PCDHGA2: variants seen among roughly 807,000 people sequenced by gnomAD.
The protein encoded by PCDHGA2 is protocadherin gamma-A2.
Under a neutral mutation model 59.2 loss-of-function variants are expected in PCDHGA2, and 40 were observed. That is an observed-to-expected ratio of 0.68 (90% CI 0.52 to 0.88). PCDHGA2 has a LOEUF of 0.88. PCDHGA2 is among the 40% of genes least tolerant of loss of function. The pLI is 0.00. For synonymous variants in PCDHGA2, 560 were observed against 526.0 expected (o/e 1.06, Z -0.89); for missense variants, 1,226 against 1,204.0 (o/e 1.02, Z -0.27).
Position 141,466,657 on chromosome 5 carries a change from C to T in PCDHGA2, c.2425-28150C>T, listed in dbSNP as rs143657719. Among the ~76,000 whole-genome samples the T allele has an allele frequency of 1.4e-3, 211 of 152,280 alleles. 1 individual carries two copies. The highest frequency in any genetic ancestry group is 4.7e-3 in the African/African-American group (197 of 41,542). On this transcript the variant is annotated intron_variant, in intron 1 of 3. Transcript: ENST00000394576. ...TCTCCATAAACTTTTCACAAAACAT[C>T]AGTGATTTCACCGTTCTTCCACTCA...
intron 1 of PCDHGA2, chr5:141,370,468 T>C: frequency 6.2e-7 from 1 of 1,613,240 alleles, no homozygotes. Context: ...CTCTCTTTGT[T>C]AGACCAGGCT....
chr5:141,478,752 G>A (rs2099475483), intron 1 of PCDHGA2: 2 of 1,521,420 alleles, frequency 1.3e-6, no homozygotes, highest in South Asian at 1.3e-5. Context: ...CATTTCAGGG[G>A]GAAGATACTT....
chr5:141,485,214 G>T lies in PCDHGA2; in HGVS notation c.2425-9593G>T. 6.2e-7 allele frequency: 1 copy of T among 1,614,164 alleles called. No individual in the cohort carries two copies. The highest frequency in any genetic ancestry group is 8.5e-7 in the Non-Finnish European group (1 of 1,179,996). On this transcript the variant is annotated intron_variant, in intron 1 of 3. Transcript: ENST00000394576. This position sits in a 1 kb window ranked among gnomAD's most constrained non-coding sequence, Gnocchi z 5.7. ...AGAAGCTGGACAGAAATCTGGCGGT[G>T]GGCTACCCTTTTGTTCCTCTTTTAC...
At chr5:141,349,995 T>TA (rs2149754932) in intron 1 of PCDHGA2, 1 of 330,098 alleles carries the variant, frequency 3.0e-6, no homozygotes, top group African/African-American at 2.1e-5. Context: ...GCTTTGAGGA[T>TA]AAAAAGCTGG....
At chr5:141,347,552 T>G (rs13357694) in intron 1 of PCDHGA2, among the ~76,000 whole-genome samples, 1 of 151,966 alleles carries the variant, frequency 6.6e-6, no homozygotes, top group Non-Finnish European at 1.5e-5. Context: ...TTTGGGAGGC[T>G]GAGGCAGGTG....
chr5:141,366,395 C>T (rs1764534294), intron 1 of PCDHGA2: 1 of 1,614,178 alleles, frequency 6.2e-7, no homozygotes, highest in African/African-American at 1.3e-5. Context: ...GGATCTGGAC[C>T]TCACACTCTA....
intron 1 of PCDHGA2, chr5:141,412,090 T>C (rs1008718786): frequency 3.3e-5 from 5 of 152,218 alleles, no homozygotes; most frequent in Admixed American, 2.0e-4. Flanking sequence ...ACTGGGTTGA[T>C]GGGCACACAC....
intron 1 of PCDHGA2, among the ~76,000 whole-genome samples, chr5:141,466,268 T>A (rs568525260): frequency 6.6e-6 from 1 of 152,150 alleles, no homozygotes; most frequent in Non-Finnish European, 1.5e-5. Context: ...CCTCGTGAGC[T>A]CAAGCAATCT....
chr5:141,386,504 T>A (rs1351334049), intron 1 of PCDHGA2, among the ~76,000 whole-genome samples: 1 of 84,712 alleles, frequency 1.2e-5, no homozygotes, highest in Non-Finnish European at 2.3e-5. Flanking sequence ...AACAAGACTC[T>A]GTCTCTTCAA....
chr5:141,375,314 G>A, intron 1 of PCDHGA2: 1 of 1,613,798 alleles, frequency 6.2e-7, no homozygotes, highest in South Asian at 1.1e-5. Flanking sequence ...TGCAGCTCTA[G>A]ACCGGGAAGA....
chr5:141,477,566 C>T lies in PCDHGA2; in HGVS notation c.2425-17241C>T, dbSNP rs749100730. On this transcript the variant is annotated intron_variant, in intron 1 of 3. Coordinates refer to ENST00000394576, the MANE Select transcript of PCDHGA2 (RefSeq NM_018915.4). The surrounding 1 kb of genome is among the most constrained non-coding windows in gnomAD (Gnocchi z 4.9). ...AATACTAAACCTAAGTGTCTGGGAC[C>T]CCGACGCCCCGCAGAATGCTCGGCT... The T allele has an allele frequency of 1.9e-6, 3 of 1,613,988 alleles. No homozygotes were observed. The highest frequency in any genetic ancestry group is 8.5e-7 in the Non-Finnish European group (1 of 1,180,032).
chr5:141,355,311 G>C, intron 1 of PCDHGA2: 2 of 1,613,982 alleles, frequency 1.2e-6, no homozygotes. Flanking sequence ...CGGTGTTTGA[G>C]GAGCAGGAAG....
At chr5:141,383,164 A>G (rs1778887278) in intron 1 of PCDHGA2, 1 of 1,614,016 alleles carries the variant, frequency 6.2e-7, no homozygotes, top group Non-Finnish European at 8.5e-7. Context: ...CACTGCGGGC[A>G]GGATAGACCG....
chr5:141,490,180 C>T lies in PCDHGA2; in HGVS notation c.2425-4627C>T, dbSNP rs747366205. On this transcript the variant is annotated intron_variant, in intron 1 of 3. Coordinates refer to ENST00000394576, the MANE Select transcript of PCDHGA2 (RefSeq NM_018915.4). This position sits in a 1 kb window ranked among gnomAD's most constrained non-coding sequence, Gnocchi z 5.4. ...GGGTCCCATAGACTTTGAGGAGTCACGTTTCTATGAAATTCATGCAAGAGC... is the reference window on the plus strand; with the variant it reads ...GGGTCCCATAGACTTTGAGGAGTCATGTTTCTATGAAATTCATGCAAGAGC... 3 of 1,614,208 alleles carry T rather than the reference C, an allele frequency of 1.9e-6. No individual in the cohort carries two copies. Among genetic ancestry groups the T allele is most frequent in the East Asian group, 2.2e-5 (1 of 44,882 alleles).
intron 1 of PCDHGA2, among the ~76,000 whole-genome samples, chr5:141,368,655 A>G (rs761837441): frequency 1.3e-5 from 2 of 152,170 alleles, no homozygotes; most frequent in Non-Finnish European, 2.9e-5. Flanking sequence ...CAATGGAAAA[A>G]TATCTTTAAA....
At chr5:141,384,960 T>C in intron 1 of PCDHGA2, 4 of 1,613,970 alleles carry the variant, frequency 2.5e-6, no homozygotes, top group Non-Finnish European at 3.4e-6. Flanking sequence ...CTTACAACTA[T>C]GACCTCACGT....
Position 141,477,304 on chromosome 5 carries a change from T to C in PCDHGA2, c.2425-17503T>C. The C allele has an allele frequency of 6.2e-7, 1 of 1,614,160 alleles. No individual in the cohort carries two copies. Among genetic ancestry groups the C allele is most frequent in the Non-Finnish European group, 8.5e-7 (1 of 1,180,030 alleles). ...CCTGCGAAGTTCCACCGGGTCTCCCTTTCAGCCTTACTTCTTCCCTCAAGA... is the reference window on the plus strand; with the variant it reads ...CCTGCGAAGTTCCACCGGGTCTCCCCTTCAGCCTTACTTCTTCCCTCAAGA... On this transcript the variant is annotated intron_variant, in intron 1 of 3. Transcript: ENST00000394576. This position sits in a 1 kb window ranked among gnomAD's most constrained non-coding sequence, Gnocchi z 4.9.
intron 1 of PCDHGA2, chr5:141,442,056 C>T: frequency 5.0e-6 from 1 of 198,150 alleles, no homozygotes; most frequent in Non-Finnish European, 1.0e-5. Flanking sequence ...GGTCGCGGTG[C>T]ACTGCGGTGG....
intron 1 of PCDHGA2, chr5:141,422,759 A>G (rs2096670710): frequency 6.2e-7 from 1 of 1,613,252 alleles, no homozygotes; most frequent in Non-Finnish European, 8.5e-7. Flanking sequence ...ATTAACTCCA[A>G]CACTGGTGTT....
Sources: allele counts gnomAD v4.1 joint callset (sites outside exome capture counted in the v4.1 genomes callset), GRCh38; gene constraint gnomAD v4.1.1; non-coding constraint Gnocchi (gnomAD v3.1); transcripts MANE v1.5; gene names NCBI Gene and HGNC (gene_info 2026-07-23, HGNC 2026-07-21).